ARFGAP3: variants seen among roughly 807,000 people sequenced by gnomAD.
ARFGAP3 encodes the protein ARF GTPase activating protein 3, also known as ADP-ribosylation factor GTPase-activating protein 3.
Under a neutral mutation model 75.0 loss-of-function variants are expected in ARFGAP3, and 72 were observed. The ratio of observed to expected loss-of-function variants is 0.96; its 90% CI spans 0.79 to 1.17. ARFGAP3 has a LOEUF of 1.17. Ranked by LOEUF, ARFGAP3 falls within the 50% of genes most tolerant of loss-of-function variation. ARFGAP3 has a pLI of 0.00. For missense variants in ARFGAP3, 620 were observed against 626.6 expected (o/e 0.99, Z 0.11); for synonymous variants, 221 against 217.9 (o/e 1.01, Z -0.13).
At chr22:42,803,150 G>A (rs905371225) in intron 14 of ARFGAP3, among the ~76,000 whole-genome samples, 3 of 152,068 alleles carry the variant, frequency 2.0e-5, no homozygotes, top group African/African-American at 7.2e-5. Flanking sequence ...ATTAGCCATC[G>A]CACCTAGCTA....
chr22:42,843,079 C>A (rs1051888678), intron 2 of ARFGAP3, among the ~76,000 whole-genome samples: 1 of 151,922 alleles, frequency 6.6e-6, no homozygotes, highest in Non-Finnish European at 1.5e-5. Flanking sequence ...AGATTTGCCT[C>A]CCCCCGACCC....
chr22:42,811,950 G>A (rs1925382743), intron 11 of ARFGAP3, among the ~76,000 whole-genome samples: 1 of 152,138 alleles, frequency 6.6e-6, no homozygotes, highest in African/African-American at 2.4e-5. Flanking sequence ...GCCAAGGCAG[G>A]TGGATTGCTT....
chr22:42,835,520 A>G, intron 3 of ARFGAP3, 27 bp from the exon 4 acceptor site: 6 of 1,611,726 alleles, frequency 3.7e-6, no homozygotes, highest in Non-Finnish European at 5.1e-6. Flanking sequence ...GCACATTAAT[A>G]TTTTCGTAAA....
At chr22:42,807,245 T>C (rs1925167717) in intron 13 of ARFGAP3, 82 bp from the exon 14 acceptor site, 3 of 1,494,674 alleles carry the variant, frequency 2.0e-6, no homozygotes, top group Non-Finnish European at 2.7e-6. Flanking sequence ...AGAGCTGTCA[T>C]TTGAAAGTGT....
At chr22:42,841,564 G>C (rs571969272) in intron 2 of ARFGAP3, among the ~76,000 whole-genome samples, 1 of 152,268 alleles carries the variant, frequency 6.6e-6, no homozygotes, top group South Asian at 2.1e-4. Flanking sequence ...TCTCTCCACT[G>C]TAAGATCAAA....
intron 14 of ARFGAP3, among the ~76,000 whole-genome samples, chr22:42,802,687 C>T (rs1347554840): frequency 6.7e-6 from 1 of 148,434 alleles, no homozygotes; most frequent in Non-Finnish European, 1.5e-5. Flanking sequence ...CTGCAAGCTC[C>T]ACCTCCCAGG....
chr22:42,836,622 CA>C (rs1926532833), intron 3 of ARFGAP3, among the ~76,000 whole-genome samples: 1 of 152,110 alleles, frequency 6.6e-6, no homozygotes, highest in South Asian at 2.1e-4. Flanking sequence ...CATGAGGATC[CA>C]TGTATAGACA....
chr22:42,848,075 G>C (rs1417363255), intron 1 of ARFGAP3, among the ~76,000 whole-genome samples: 1 of 151,804 alleles, frequency 6.6e-6, no homozygotes, highest in African/African-American at 2.4e-5. Context: ...TGTTGGACAG[G>C]CTGGTCTCGA....
chr22:42,813,497 C>T (rs897596467), intron 11 of ARFGAP3, among the ~76,000 whole-genome samples: 6 of 152,218 alleles, frequency 3.9e-5, no homozygotes. Context: ...ATTCTTCATT[C>T]TTATAAGCCA....
rs531901329 is a variant in ARFGAP3, at chr22:42,832,508, G to T, written c.478-872C>A. On this transcript the variant is annotated intron_variant, in intron 5 of 15. Coordinates refer to ENST00000263245, the MANE Select transcript of ARFGAP3 (RefSeq NM_014570.5). ...ATTGTGCCAGTGCACTCCAACGTGG[G>T]TGACAGAAGAGTAAGACTCCATCTC... 9.3e-5 allele frequency among the ~76,000 whole-genome samples: 14 copies of T among 149,966 alleles called. No individual in the cohort carries two copies. In the South Asian group the frequency reaches 2.7e-3, roughly 29 times the overall value.
chr22:42,807,001 C>T (rs1365260485), intron 14 of ARFGAP3, 72 bp downstream of exon 14: 11 of 1,367,292 alleles, frequency 8.0e-6, no homozygotes, highest in Non-Finnish European at 9.8e-6. Context: ...GAAAAGGAAA[C>T]AGTCCTATCC....
intron 14 of ARFGAP3, among the ~76,000 whole-genome samples, chr22:42,800,022 T>A (rs1924784889): frequency 6.6e-6 from 1 of 152,216 alleles, no homozygotes; most frequent in Admixed American, 6.5e-5. Context: ...CCATAATTGC[T>A]ACCAATCTGG....
At chr22:42,842,456 T>TC (rs1926829049) in intron 2 of ARFGAP3, among the ~76,000 whole-genome samples, 1 of 148,492 alleles carries the variant, frequency 6.7e-6, no homozygotes, top group East Asian at 2.0e-4. Context: ...AACCATACCT[T>TC]TTTTTTTTTG....
At chr22:42,835,582 G>GATTAC in intron 3 of ARFGAP3, 89 bp from the exon 4 acceptor site, 1 of 1,478,928 alleles carries the variant, frequency 6.8e-7, no homozygotes, top group Non-Finnish European at 9.2e-7. Context: ...AGCACTCTGG[G>GATTAC]AGGCCGAGGC....
At chr22:42,822,783 T>A (rs1362331598) in intron 8 of ARFGAP3, among the ~76,000 whole-genome samples, 1 of 152,198 alleles carries the variant, frequency 6.6e-6, no homozygotes, top group Non-Finnish European at 1.5e-5. Context: ...ATTTGTATTG[T>A]TTTTACTGTT....
chr22:42,849,675 C>T (rs1397908024), intron 1 of ARFGAP3, among the ~76,000 whole-genome samples: 1 of 151,942 alleles, frequency 6.6e-6, no homozygotes, highest in Non-Finnish European at 1.5e-5. Context: ...GCCATCCACC[C>T]CCCTCAGCCT....
chr22:42,840,891 G>A, intron 3 of ARFGAP3, 53 bp downstream of exon 3: 1 of 1,571,318 alleles, frequency 6.4e-7, no homozygotes, highest in South Asian at 1.1e-5. Context: ...TACTATTATA[G>A]CATAACAAAT....
At position 42,822,318 on chromosome 22, in the gene ARFGAP3, A is replaced by C; in HGVS notation, c.764T>G (p.Met255Arg). ...CTTGGCCAGGTCTTCCTGCTCCTTC[A>C]TTTTATCCGCAGCTTGAGCTTGTTT... Reference protein sequence around the residue: ...IEKQAQAADKMKEQEDLAKVV... With the variant: ...IEKQAQAADKRKEQEDLAKVV... Residue 255 changes from methionine to arginine, a missense_variant, in exon 9 of 16, where the codon ATG becomes AGG. Physicochemically the swap from Met to Arg is moderately conservative, Grantham distance 91. Coordinates refer to ENST00000263245, the MANE Select transcript of ARFGAP3 (RefSeq NM_014570.5). The C allele has an allele frequency of 6.2e-7, 1 of 1,613,980 alleles. No individual in the cohort carries two copies. The highest frequency in any genetic ancestry group is 2.2e-5 in the East Asian group (1 of 44,870).
At position 42,796,687 on chromosome 22, in the gene ARFGAP3, AAATT is replaced by A. The variant is rs1924618314; in HGVS notation, c.*897_*900del. Reference sequence around the variant, plus strand: ...TTCTAATGCTGTCTAAAACACAGCTAAATTATTTTTCTTTATTTGTTTATACACA... The same window carrying A: ...TTCTAATGCTGTCTAAAACACAGCTAATTTTTCTTTATTTGTTTATACACA... On this transcript the variant is annotated 3_prime_UTR_variant, in exon 16 of 16. Transcript: ENST00000263245. 1 of 152,236 alleles carries A rather than the reference AAATT, an allele frequency of 6.6e-6. No individual in the cohort carries two copies. Among genetic ancestry groups the A allele is most frequent in the African/African-American group, 2.4e-5 (1 of 41,464 alleles). 9.4% of individuals were successfully genotyped at this position (152,236 alleles called of 1,614,324 possible).
Sources: allele counts gnomAD v4.1 joint callset (sites outside exome capture counted in the v4.1 genomes callset), GRCh38; gene constraint gnomAD v4.1.1; transcripts MANE v1.5; gene names NCBI Gene and HGNC (gene_info 2026-07-23, HGNC 2026-07-21).